The following TFCP2L1 variants were observed in gnomAD, a reference collection of about 807,000 sequenced individuals.
The protein encoded by TFCP2L1 is transcription factor CP2-like protein 1.
A neutral mutation model predicts 72.2 loss-of-function variants in TFCP2L1; 12 were observed. The observed-to-expected ratio is 0.17, with a 90% confidence interval of 0.11 to 0.27. The LOEUF is 0.27. Ranked by LOEUF, TFCP2L1 falls within the 10% of genes least tolerant of loss-of-function variation. TFCP2L1 has a pLI of 1.00. For synonymous variants in TFCP2L1, 260 were observed against 251.0 expected (o/e 1.04, Z -0.34); for missense variants, 488 against 624.6 (o/e 0.78, Z 2.33).
chr2:121,232,418 G>A (rs1028775262), intron 12 of TFCP2L1, among the ~76,000 whole-genome samples: 1 of 152,060 alleles, frequency 6.6e-6, no homozygotes, highest in East Asian at 1.9e-4. Context: ...GGATTACAGG[G>A]ATGAGCCACT....
At chr2:121,257,911 G>A (rs905441761) in intron 2 of TFCP2L1, among the ~76,000 whole-genome samples, 3 of 152,028 alleles carry the variant, frequency 2.0e-5, no homozygotes, top group African/African-American at 7.3e-5. Flanking sequence ...CCCCTCAATG[G>A]ACAACGGAAA....
intron 2 of TFCP2L1, among the ~76,000 whole-genome samples, chr2:121,263,920 T>C (rs1487162343): frequency 1.3e-5 from 2 of 152,114 alleles, no homozygotes; most frequent in East Asian, 1.9e-4. Flanking sequence ...AGTAAATGCA[T>C]TAACTTGCCA....
chr2:121,268,853 T>C (rs1686986270), intron 2 of TFCP2L1, among the ~76,000 whole-genome samples: 1 of 150,450 alleles, frequency 6.6e-6, no homozygotes, highest in Non-Finnish European at 1.5e-5. Flanking sequence ...AAGGACCTGC[T>C]TCATTCTTGT....
intron 6 of TFCP2L1, 111 bp downstream of exon 6, chr2:121,246,707 G>T: frequency 7.2e-7 from 1 of 1,389,150 alleles, no homozygotes; most frequent in Non-Finnish European, 1.0e-6. Context: ...CTAAAGGGAT[G>T]CTGCGTTCCT....
chr2:121,246,985 G>A lies in TFCP2L1; in HGVS notation c.505-15C>T, dbSNP rs1350516385. The A allele has an allele frequency of 6.2e-6, 10 of 1,613,810 alleles. No homozygotes were observed. The highest frequency in any genetic ancestry group is 2.7e-5 in the African/African-American group (2 of 74,916). On this transcript the variant is annotated splice_polypyrimidine_tract_variant and intron_variant, in intron 5 of 14. Coordinates refer to ENST00000263707, the MANE Select transcript of TFCP2L1 (RefSeq NM_014553.3). ...ATGCAGTGTACCTGGGAGGAGAAAC[G>A]TTGGGCAGGTGGCAAGGAGGCACCA... is the stretch of plus-strand genomic sequence containing the variant.
chr2:121,232,640 G>C (rs1686168267), intron 12 of TFCP2L1, among the ~76,000 whole-genome samples: 1 of 152,270 alleles, frequency 6.6e-6, no homozygotes, highest in South Asian at 2.1e-4. Context: ...CTGTTTAAAG[G>C]GTTCTTGGAT....
At chr2:121,256,881 G>C (rs558045783) in intron 2 of TFCP2L1, among the ~76,000 whole-genome samples, 1 of 152,058 alleles carries the variant, frequency 6.6e-6, no homozygotes, top group South Asian at 2.1e-4. Context: ...GCTTGAACCC[G>C]GGAGGCAGAG....
At chr2:121,227,803 C>T (rs985057403) in intron 13 of TFCP2L1, among the ~76,000 whole-genome samples, 1 of 151,926 alleles carries the variant, frequency 6.6e-6, no homozygotes, top group Non-Finnish European at 1.5e-5. Context: ...ATGCCATCCA[C>T]ATTTTATGGC....
intron 2 of TFCP2L1, among the ~76,000 whole-genome samples, chr2:121,250,824 C>G (rs1251110877): frequency 2.6e-5 from 4 of 151,752 alleles, no homozygotes; most frequent in African/African-American, 4.8e-5. Flanking sequence ...CCAGGCTGGT[C>G]TCAAACTCCT....
chr2:121,218,688 C>G lies in TFCP2L1; in HGVS notation c.*5653G>C, dbSNP rs922603040. 3 of 152,374 alleles carry G rather than the reference C, an allele frequency of 2.0e-5. No homozygotes were observed. Among genetic ancestry groups the G allele is most frequent in the Admixed American group, 2.0e-4 (3 of 15,290 alleles). The allele number at this position is 152,374 out of a possible 1,614,324, so 9.4% of individuals were successfully genotyped here. A position where few individuals can be genotyped will look rare whatever the true frequency, so the allele number is the denominator to read the frequency against. Reference sequence around the variant, plus strand: ...GCTGCCCTGCACAGGAGCAGAAAACCCATGCCTCAGAGCTACTTCCTAAGG... The same window carrying G: ...GCTGCCCTGCACAGGAGCAGAAAACGCATGCCTCAGAGCTACTTCCTAAGG... On this transcript the variant is annotated 3_prime_UTR_variant, in exon 15 of 15. Coordinates refer to ENST00000263707, the MANE Select transcript of TFCP2L1 (RefSeq NM_014553.3).
At chr2:121,246,097 T>G (rs1320147649) in intron 6 of TFCP2L1, among the ~76,000 whole-genome samples, 2 of 152,194 alleles carry the variant, frequency 1.3e-5, no homozygotes, top group Admixed American at 1.3e-4. Context: ...AGACAGGGCC[T>G]ACAGGGGCTG....
chr2:121,230,614 C>G, intron 13 of TFCP2L1, among the ~76,000 whole-genome samples: 1 of 152,044 alleles, frequency 6.6e-6, no homozygotes, highest in East Asian at 1.9e-4. Flanking sequence ...AACCCTGTCT[C>G]TACAAAAAAT....
chr2:121,224,552 C>T lies in TFCP2L1; in HGVS notation c.1394-165G>A, dbSNP rs146501518. On this transcript the variant is annotated intron_variant, in intron 14 of 14. Coordinates refer to ENST00000263707, the MANE Select transcript of TFCP2L1 (RefSeq NM_014553.3). The stretch of plus-strand genomic sequence containing the variant: ...GAAGCAGGGATCTCACATGCCCTGA[C>T]ATCTGCCTCGTTTAGTGTCTTTTTA... Among the ~76,000 whole-genome samples the T allele has an allele frequency of 3.7e-3, 571 of 152,332 alleles. 4 individuals carry two copies. The highest frequency in any genetic ancestry group is 0.013 in the African/African-American group (556 of 41,586).
intron 13 of TFCP2L1, among the ~76,000 whole-genome samples, chr2:121,226,205 C>T (rs1224287877): frequency 6.6e-6 from 1 of 152,130 alleles, no homozygotes; most frequent in East Asian, 1.9e-4. Context: ...GCAGCAGGAA[C>T]ATGGTTCTGC....
In TFCP2L1 at chr2:121,285,133, CCGGGGCGCGGCAGCAAGCGCAGACG is replaced by C. The variant is rs1407658361; in HGVS notation, c.-49_-25del. On this transcript the variant is annotated 5_prime_UTR_variant, in exon 1 of 15. Transcript: ENST00000263707. ...ATGGCTGGAACTCCCAGCGCGCCGA[CCGGGGCGCGGCAGCAAGCGCAGACG>C]CGGGGCGCGCCGAGGACCCAGCGGC... 15 of 1,481,092 alleles carry C rather than the reference CCGGGGCGCGGCAGCAAGCGCAGACG, an allele frequency of 1.0e-5. 1 individual carries two copies. Among genetic ancestry groups the C allele is most frequent in the African/African-American group, 4.3e-5 (3 of 69,142 alleles). 91.7% of individuals were successfully genotyped at this position (1,481,092 alleles called of 1,614,324 possible).
chr2:121,238,787 A>G (rs1460779689), intron 8 of TFCP2L1, among the ~76,000 whole-genome samples: 1 of 152,138 alleles, frequency 6.6e-6, no homozygotes, highest in Admixed American at 6.6e-5. Flanking sequence ...GCCTGAATCT[A>G]AACATGACAC....
chr2:121,283,998 C>A (rs1485652373), intron 1 of TFCP2L1, among the ~76,000 whole-genome samples: 1 of 152,188 alleles, frequency 6.6e-6, no homozygotes, highest in East Asian at 1.9e-4. Context: ...TAAACCCAAT[C>A]ATTCCCCCGC....
intron 3 of TFCP2L1, 35 bp from the exon 4 acceptor site, chr2:121,249,122 G>A (rs369034612): frequency 2.2e-5 from 33 of 1,474,956 alleles, no homozygotes; most frequent in Admixed American, 4.6e-5. Context: ...ACAAGTGACC[G>A]CGGGGGGCCA....
In TFCP2L1 at chr2:121,285,125, CGCGCCGACCGGGGCGCGGCAGCAA is replaced by C. The variant is rs1687342279; in HGVS notation, c.-40_-17del. On this transcript the variant is annotated 5_prime_UTR_variant, in exon 1 of 15. Transcript: ENST00000263707. ...AGAAGAGCATGGCTGGAACTCCCAG[CGCGCCGACCGGGGCGCGGCAGCAA>C]GCGCAGACGCGGGGCGCGCCGAGGA... 1 of 1,486,942 alleles carries C rather than the reference CGCGCCGACCGGGGCGCGGCAGCAA, an allele frequency of 6.7e-7. No individual in the cohort carries two copies. Among genetic ancestry groups the C allele is most frequent in the Admixed American group, 2.3e-5 (1 of 43,282 alleles). 92.1% of individuals were successfully genotyped at this position (1,486,942 alleles called of 1,614,324 possible). A position where few individuals can be genotyped will look rare whatever the true frequency, so the allele number is the denominator to read the frequency against.
Sources: allele counts gnomAD v4.1 joint callset (sites outside exome capture counted in the v4.1 genomes callset), GRCh38; gene constraint gnomAD v4.1.1; transcripts MANE v1.5; gene names NCBI Gene and HGNC (gene_info 2026-07-23, HGNC 2026-07-21).